PLXNA4: variants seen among roughly 807,000 people sequenced by gnomAD.
PLXNA4 encodes the protein plexin A4, also known as plexin-A4.
Under a neutral mutation model 191.8 loss-of-function variants are expected in PLXNA4, and 44 were observed. The ratio of observed to expected loss-of-function variants is 0.23; its 90% confidence interval spans 0.18 to 0.29. The LOEUF (loss-of-function observed/expected upper bound fraction) is 0.29, where lower values mean the gene tolerates loss of function less well. Ranked by LOEUF, PLXNA4 falls within the 10% of genes least tolerant of loss-of-function variation. PLXNA4 has a pLI of 1.00. For missense variants in PLXNA4, 1,800 were observed against 2,488.8 expected (o/e 0.72, Z 5.89); for synonymous variants, 1,082 against 1,009.5 (o/e 1.07, Z -1.36).
chr7:132,180,667 C>T lies in PLXNA4; in HGVS notation c.3558G>A (p.Gly1186=), dbSNP rs764422787. The change falls in exon 19 of 32, where the codon GGG becomes GGA. Residue 1186 remains glycine (G), a synonymous_variant. Coordinates refer to ENST00000321063, the MANE Select transcript of PLXNA4 (RefSeq NM_020911.2). ...ACACGGTCACGGTGCACGGCTTCTC[C>T]CCAACCAGCACAGTGTAGTTCAGCT... ...NVKLNYTVLV[G]EKPCTVTVSD... is the part of the protein sequence containing the mutation. The T allele has an allele frequency of 6.2e-7, 1 of 1,614,062 alleles. No homozygotes were observed. Among genetic ancestry groups the T allele is most frequent in the African/African-American group, 1.3e-5 (1 of 74,920 alleles).
At chr7:132,346,355 C>A (rs1349336936) in intron 3 of PLXNA4, among the ~76,000 whole-genome samples, 2 of 152,076 alleles carry the variant, frequency 1.3e-5, no homozygotes, top group Admixed American at 1.3e-4. Flanking sequence ...TTTAACAAAA[C>A]AAAATAAAAA....
chr7:132,619,803 T>C (rs1563196588), intron 2 of PLXNA4, among the ~76,000 whole-genome samples: 1 of 152,226 alleles, frequency 6.6e-6, no homozygotes, highest in Non-Finnish European at 1.5e-5. Flanking sequence ...TTGTCCATTT[T>C]TCTTTTTTGG....
At chr7:132,602,522 T>TA (rs1802839955) in intron 2 of PLXNA4, among the ~76,000 whole-genome samples, 1 of 152,198 alleles carries the variant, frequency 6.6e-6, no homozygotes, top group South Asian at 2.1e-4. Flanking sequence ...TGATTTACAT[T>TA]AAAAAATATT....
chr7:132,343,643 GC>G (rs1803127154), intron 3 of PLXNA4, among the ~76,000 whole-genome samples: 1 of 152,208 alleles, frequency 6.6e-6, no homozygotes, highest in African/African-American at 2.4e-5. Flanking sequence ...ATGTGGCTGG[GC>G]ACAGTGCCTC....
At chr7:132,341,808 CAT>C (rs759938966) in intron 3 of PLXNA4, among the ~76,000 whole-genome samples, 2 of 152,174 alleles carry the variant, frequency 1.3e-5, no homozygotes, top group Non-Finnish European at 2.9e-5. Flanking sequence ...CAATAGTTAA[CAT>C]GTGTTGAGTA....
intron 1 of PLXNA4, among the ~76,000 whole-genome samples, chr7:132,525,108 C>T (rs1244086647): frequency 6.6e-6 from 1 of 152,152 alleles, no homozygotes; most frequent in African/African-American, 2.4e-5. Flanking sequence ...CTCCATTCTA[C>T]ATTCTATGTC....
At chr7:132,583,992 T>C (rs905743571) in intron 2 of PLXNA4, among the ~76,000 whole-genome samples, 2 of 152,186 alleles carry the variant, frequency 1.3e-5, no homozygotes, top group African/African-American at 4.8e-5. Flanking sequence ...ATTTGCACTA[T>C]GGGAATAGGC....
At chr7:132,354,185 G>A (rs1803606274) in intron 3 of PLXNA4, among the ~76,000 whole-genome samples, 1 of 151,018 alleles carries the variant, frequency 6.6e-6, no homozygotes, top group Non-Finnish European at 1.5e-5. Flanking sequence ...AACAGTGTGT[G>A]CGTGTGTGTG....
chr7:132,615,354 C>CCTGT (rs1481022029), intron 2 of PLXNA4, among the ~76,000 whole-genome samples: 1 of 152,196 alleles, frequency 6.6e-6, no homozygotes, highest in Non-Finnish European at 1.5e-5. Flanking sequence ...CCACTCGCGT[C>CCTGT]CTGTCTGCCT....
At chr7:132,426,354 G>A (rs2075420) in intron 3 of PLXNA4, among the ~76,000 whole-genome samples, 4,192 of 152,250 alleles carry the variant, frequency 0.028, 236 homozygotes, top group East Asian at 0.27. Context: ...GCAGGAGTTA[G>A]GGTAGGAACA....
intron 3 of PLXNA4, among the ~76,000 whole-genome samples, chr7:132,348,515 A>G (rs1381216310): frequency 6.6e-6 from 1 of 152,224 alleles, no homozygotes; most frequent in Admixed American, 6.5e-5. Context: ...ATCATGACAC[A>G]GAAAGATCAC....
intron 2 of PLXNA4, among the ~76,000 whole-genome samples, chr7:132,500,424 CAA>C (rs1308885914): frequency 6.7e-6 from 1 of 149,238 alleles, no homozygotes; most frequent in Non-Finnish European, 1.5e-5. Flanking sequence ...CCCTGGGCAA[CAA>C]GAGTGAAACA....
At chr7:132,533,012 C>T (rs1799684679) in intron 1 of PLXNA4, among the ~76,000 whole-genome samples, 1 of 152,216 alleles carries the variant, frequency 6.6e-6, no homozygotes, top group South Asian at 2.1e-4. Flanking sequence ...GAACTGGTTG[C>T]CACCACCACA....
At chr7:132,459,781 A>C (rs1266572771) in intron 3 of PLXNA4, among the ~76,000 whole-genome samples, 1 of 152,204 alleles carries the variant, frequency 6.6e-6, no homozygotes, top group African/African-American at 2.4e-5. Flanking sequence ...ATATCCCAAA[A>C]CAAAGTGAAA....
At chr7:132,389,242 T>C (rs143968876) in intron 3 of PLXNA4, among the ~76,000 whole-genome samples, 119 of 152,342 alleles carry the variant, frequency 7.8e-4, no homozygotes, top group African/African-American at 2.7e-3. Context: ...ATAGTTTCCT[T>C]TGCTGTGCAG....
chr7:132,544,727 A>T (rs1034610104), intron 1 of PLXNA4, among the ~76,000 whole-genome samples: 1 of 152,250 alleles, frequency 6.6e-6, no homozygotes, highest in Non-Finnish European at 1.5e-5. Context: ...TTCTTGGCCT[A>T]GATGTCTGTC....
intron 3 of PLXNA4, among the ~76,000 whole-genome samples, chr7:132,336,159 T>C (rs1177466577): frequency 6.6e-6 from 1 of 152,204 alleles, no homozygotes; most frequent in Admixed American, 6.5e-5. Context: ...TAGCTTCTGC[T>C]CTCTAAGTAT....
chr7:132,572,702 G>C (rs993782499), intron 1 of PLXNA4, among the ~76,000 whole-genome samples: 3 of 152,184 alleles, frequency 2.0e-5, no homozygotes, highest in African/African-American at 7.2e-5. Context: ...AACTTGAATG[G>C]TACAGCCTGG....
rs185598843 is a variant in PLXNA4, at chr7:132,278,958, T to C, written c.1503+19133A>G. Reference sequence around the variant, plus strand: ...AAGGAGAGGCCACTGCAAAGGGAGGTTGATCGTGACTCGGCTGGCTCTGTA... The same window carrying C: ...AAGGAGAGGCCACTGCAAAGGGAGGCTGATCGTGACTCGGCTGGCTCTGTA... On this transcript the variant is annotated intron_variant, in intron 4 of 31. Coordinates refer to ENST00000321063, the MANE Select transcript of PLXNA4 (RefSeq NM_020911.2). 1.5e-4 allele frequency among the ~76,000 whole-genome samples: 23 copies of C among 152,094 alleles called. No homozygotes were observed. The East Asian group carries it at 4.5e-3, about 29-fold the overall frequency.
Sources: allele counts gnomAD v4.1 joint callset (sites outside exome capture counted in the v4.1 genomes callset), GRCh38; gene constraint gnomAD v4.1.1; transcripts MANE v1.5; gene names NCBI Gene and HGNC (gene_info 2026-07-23, HGNC 2026-07-21).